Variants in ANXA8 observed in about 807,000 individuals in gnomAD.
The protein encoded by ANXA8 is VAC-beta.
ANXA8 carries 9 observed loss-of-function variants against 26.8 expected under a neutral mutation model. The observed-to-expected ratio is 0.34, with a 90% CI of 0.20 to 0.59. The LOEUF (loss-of-function observed/expected upper bound fraction) is 0.59, where lower values mean the gene tolerates loss of function less well. ANXA8 is among the 20% of genes least tolerant of loss of function. The probability of loss-of-function intolerance (pLI) is 0.84; values close to 1 mark genes in which losing one functional copy is unlikely to be tolerated. For missense variants in ANXA8, 83 were observed against 238.5 expected (o/e 0.35, Z 4.29); for synonymous variants, 39 against 94.8 (o/e 0.41, Z 3.42).
chr10:47,599,463 TATTA>T, the ANXA8 span, among the ~76,000 whole-genome samples: 1 of 148,576 alleles, frequency 6.7e-6, no homozygotes, highest in Non-Finnish European at 1.5e-5. Flanking sequence ...TAGCATAAAA[TATTA>T]ATTGACAAAA....
the ANXA8 span, among the ~76,000 whole-genome samples, chr10:47,952,527 T>C: frequency 4.0e-5 from 6 of 148,506 alleles, 1 homozygote; most frequent in African/African-American, 1.3e-4. Flanking sequence ...TGAAAATACT[T>C]ACAAGATGAG....
the ANXA8 span, among the ~76,000 whole-genome samples, chr10:47,519,513 T>C: frequency 1.9e-5 from 2 of 105,040 alleles, no homozygotes; most frequent in African/African-American, 7.3e-5. Flanking sequence ...CCTTCCCCTC[T>C]CTCTTTCACC....
At chr10:47,595,532 G>A in the ANXA8 span, among the ~76,000 whole-genome samples, 2 of 149,156 alleles carry the variant, frequency 1.3e-5, 1 homozygote, top group African/African-American at 5.2e-5. Context: ...CACAACTAAT[G>A]ACACTCATGG....
the ANXA8 span, among the ~76,000 whole-genome samples, chr10:47,778,685 G>A: frequency 6.6e-6 from 1 of 151,756 alleles, no homozygotes; most frequent in South Asian, 2.1e-4. Flanking sequence ...GAACCATAAA[G>A]GCGCCTTTGA....
chr10:47,697,196 C>T, the ANXA8 span, among the ~76,000 whole-genome samples: 1 of 152,192 alleles, frequency 6.6e-6, no homozygotes, highest in Non-Finnish European at 1.5e-5. Flanking sequence ...TGAATCCTGG[C>T]CCTCTTACTT....
the ANXA8 span, among the ~76,000 whole-genome samples, chr10:47,944,984 A>G: frequency 6.7e-6 from 1 of 149,590 alleles, no homozygotes; most frequent in East Asian, 2.1e-4. Flanking sequence ...TGCTCCCAGG[A>G]TTTTGTATCT....
At chr10:47,979,345 C>T in the ANXA8 span, among the ~76,000 whole-genome samples, 5 of 151,828 alleles carry the variant, frequency 3.3e-5, no homozygotes, top group South Asian at 4.2e-4. Context: ...GAACACTCCA[C>T]CACCACCAAC....
chr10:47,502,447 T>G, the ANXA8 span: 2 of 1,612,372 alleles, frequency 1.2e-6, no homozygotes, highest in Non-Finnish European at 1.7e-6. Flanking sequence ...TTCCTTCTCT[T>G]CCCTCGTGGA....
chr10:47,982,328 A>C, the ANXA8 span, among the ~76,000 whole-genome samples: 1 of 151,348 alleles, frequency 6.6e-6, no homozygotes. Flanking sequence ...CCAAACCCCA[A>C]AGAAAACCAA....
chr10:47,704,757 G>A, the ANXA8 span, among the ~76,000 whole-genome samples: 1 of 151,830 alleles, frequency 6.6e-6, no homozygotes. Context: ...CAATAACAAA[G>A]GAAGCTGTCA....
the ANXA8 span, among the ~76,000 whole-genome samples, chr10:47,733,297 T>TTCTTTCTTTCTTTCTTTCTTTCTTTC: frequency 2.8e-5 from 2 of 71,434 alleles, no homozygotes; most frequent in African/African-American, 6.8e-5. Context: ...CTTTCTTTCT[T>TTCTTTCTTTCTTTCTTTCTTTCTTTC]TTTTTTCTTT....
the ANXA8 span, among the ~76,000 whole-genome samples, chr10:47,501,095 G>T: frequency 6.9e-6 from 1 of 144,790 alleles, no homozygotes; most frequent in Non-Finnish European, 1.5e-5. Context: ...GCAGAGATGG[G>T]GTTTCACCAT....
the ANXA8 span, among the ~76,000 whole-genome samples, chr10:47,743,378 A>ATGTGTG: frequency 6.2e-4 from 37 of 59,772 alleles, no homozygotes; most frequent in East Asian, 1.6e-3. Flanking sequence ...ATACATATAT[A>ATGTGTG]TGTGTGTGTG....
chr10:47,625,294 C>T, the ANXA8 span, among the ~76,000 whole-genome samples: 1 of 28,564 alleles, frequency 3.5e-5, no homozygotes, highest in Non-Finnish European at 6.7e-5. Flanking sequence ...TGCAGTGGCG[C>T]GATCTCGGCT....
the ANXA8 span, among the ~76,000 whole-genome samples, chr10:47,932,732 G>GTC: frequency 0.073 from 6,277 of 86,054 alleles, 1,044 homozygotes; most frequent in East Asian, 0.25. Flanking sequence ...CTGTCTTTCT[G>GTC]TCTCTCTCTC....
At chr10:47,721,208 G>T in the ANXA8 span, among the ~76,000 whole-genome samples, 12 of 141,598 alleles carry the variant, frequency 8.5e-5, 3 homozygotes, top group Middle Eastern at 0.018. Context: ...AATAGTTAAG[G>T]CCCCTCAAAA....
intron 9 of ANXA8, among the ~76,000 whole-genome samples, chr10:47,472,546 GC>G (rs1199920180): frequency 6.6e-6 from 1 of 150,846 alleles, no homozygotes; most frequent in African/African-American, 2.4e-5. Context: ...CAAAAATCCA[GC>G]CTCTCAGCTC....
chr10:47,901,077 A>G, the ANXA8 span, among the ~76,000 whole-genome samples: 3 of 143,598 alleles, frequency 2.1e-5, no homozygotes, highest in Non-Finnish European at 4.5e-5. Context: ...AAAAAAAAAG[A>G]TGTAAGAGTT....
the ANXA8 span, among the ~76,000 whole-genome samples, chr10:47,579,919 C>T: frequency 6.8e-6 from 1 of 146,118 alleles, no homozygotes; most frequent in Non-Finnish European, 1.5e-5. Context: ...ATGCACAAAG[C>T]AAACTAATAA....
Sources: gnomAD v4.1 joint callset for allele counts (sites outside exome capture counted in the v4.1 genomes callset) on GRCh38, gnomAD v4.1.1 for gene constraint, MANE v1.5 for transcripts, NCBI Gene and HGNC (gene_info 2026-07-23, HGNC 2026-07-21) for gene names.